Variants in TRABD2B observed in about 807,000 individuals in gnomAD.
TRABD2B encodes TraB domain containing 2B.
Under a neutral mutation model 40.1 loss-of-function variants are expected in TRABD2B, and 14 were observed. The observed-to-expected ratio is 0.35, with a 90% confidence interval of 0.23 to 0.55. TRABD2B has a LOEUF of 0.55. Ranked by LOEUF, TRABD2B falls within the 20% of genes least tolerant of loss-of-function variation. The pLI is 0.90. For synonymous variants in TRABD2B, 263 were observed against 277.0 expected (o/e 0.95, Z 0.50); for missense variants, 541 against 648.6 (o/e 0.83, Z 1.80).
chr1:47,796,556 C>T (rs994016703), intron 3 of TRABD2B, among the ~76,000 whole-genome samples: 1 of 152,236 alleles, frequency 6.6e-6, no homozygotes. Context: ...ATATTTGCCT[C>T]TGCTATCTGC....
Position 47,775,301 on chromosome 1 carries a change from G to C in TRABD2B, c.1218C>G (p.Ser406=). ...GGCTGTCGGGGAGCAGGAGGTGTGG[G>C]GACAGGGCTGGATCCTCATCCTCTG... is the stretch of plus-strand genomic sequence containing the variant. The part of the protein sequence containing the change: ...APPEDEDPAL[S]PHLLLPDSLS... Residue 406 remains serine, a synonymous_variant, in exon 6 of 7, where the codon TCC becomes TCG. Transcript: ENST00000606738. The C allele has an allele frequency of 2.4e-6, 3 of 1,252,880 alleles. No homozygotes were observed. The highest frequency in any genetic ancestry group is 3.0e-6 in the Non-Finnish European group (3 of 996,294). 77.6% of individuals were successfully genotyped at this position (1,252,880 alleles called of 1,614,324 possible). A position where few individuals can be genotyped will look rare whatever the true frequency, so the allele number is the denominator to read the frequency against.
rs540779065 is a variant in TRABD2B at position 47,895,449 on chromosome 1, G to T, written c.667-93830C>A. ...GGGTGCCCTGGGACTGCCCAGCCTG[G>T]ACCCCACTGCCCCCCTCCCACCACA... On this transcript the variant is annotated intron_variant, in intron 2 of 6. Transcript: ENST00000606738. Among the ~76,000 whole-genome samples the T allele has an allele frequency of 1.3e-4, 20 of 151,784 alleles. No homozygotes were observed. The East Asian group carries it at 3.7e-3, about 28-fold the overall frequency.
intron 2 of TRABD2B, among the ~76,000 whole-genome samples, chr1:47,840,508 A>G (rs1243712026): frequency 6.6e-6 from 1 of 152,222 alleles, no homozygotes; most frequent in Admixed American, 6.5e-5. Flanking sequence ...CCTGGTCCAC[A>G]GCATTCTTTA....
At chr1:47,920,909 G>A (rs1644893573) in intron 2 of TRABD2B, among the ~76,000 whole-genome samples, 1 of 152,222 alleles carries the variant, frequency 6.6e-6, no homozygotes. Flanking sequence ...AGGTCATACA[G>A]TCAGTGATGC....
At chr1:47,899,539 G>A (rs1360480769) in intron 2 of TRABD2B, among the ~76,000 whole-genome samples, 5 of 152,218 alleles carry the variant, frequency 3.3e-5, no homozygotes, top group Non-Finnish European at 7.3e-5. Flanking sequence ...ATCTGCCTAC[G>A]TGGCACTCTG....
rs542151543 is a variant in TRABD2B at position 47,931,239 on chromosome 1, A to G, written c.666+62795T>C. ...CCTTCTTTTTTAAAAAAGTGAGTTG[A>G]TTATTCTTGCTTCAGCTTTGGAGTC... On this transcript the variant is annotated intron_variant, in intron 2 of 6. Coordinates refer to ENST00000606738, the MANE Select transcript of TRABD2B (RefSeq NM_001194986.2). Among the ~76,000 whole-genome samples, 3 of 152,256 alleles carry G rather than the reference A, an allele frequency of 2.0e-5. No individual in the cohort carries two copies. In the East Asian group the frequency reaches 5.8e-4, roughly 29 times the overall value.
chr1:47,772,675 C>A (rs1266672910), intron 6 of TRABD2B, among the ~76,000 whole-genome samples: 3 of 152,096 alleles, frequency 2.0e-5, no homozygotes, highest in African/African-American at 7.2e-5. Flanking sequence ...TATCAGTGGG[C>A]CCCAGGTCAC....
chr1:47,826,622 G>A (rs1444735028), intron 2 of TRABD2B, among the ~76,000 whole-genome samples: 2 of 152,064 alleles, frequency 1.3e-5, no homozygotes, highest in African/African-American at 4.8e-5. Flanking sequence ...TACCCAGGCT[G>A]GAGTGCACTG....
chr1:47,785,891 T>C (rs1350194449), intron 4 of TRABD2B, among the ~76,000 whole-genome samples: 2 of 152,204 alleles, frequency 1.3e-5, no homozygotes, highest in Non-Finnish European at 2.9e-5. Flanking sequence ...TCAGTGCTAC[T>C]TGGAGCTGAA....
intron 2 of TRABD2B, among the ~76,000 whole-genome samples, chr1:47,859,412 C>CA (rs1172094299): frequency 3.3e-5 from 5 of 152,218 alleles, no homozygotes; most frequent in Non-Finnish European, 5.9e-5. Context: ...ATCAGCCCCA[C>CA]AGCCCTGTCC....
At position 47,763,942 on chromosome 1, in the gene TRABD2B, A is replaced by G. The variant is rs1285130416; in HGVS notation, c.*1960T>C. On this transcript the variant is annotated 3_prime_UTR_variant, in exon 7 of 7. Coordinates refer to ENST00000606738, the MANE Select transcript of TRABD2B (RefSeq NM_001194986.2). ...TGGATTGAGGTCAAGTTCAGTTTAG[A>G]GCATGGTGCCCACAGGGCTGGCTGG... is the stretch of plus-strand genomic sequence containing the variant. 2 of 152,276 alleles carry G rather than the reference A, an allele frequency of 1.3e-5. No homozygotes were observed. The highest frequency in any genetic ancestry group is 2.9e-5 in the Non-Finnish European group (2 of 68,076). 9.4% of individuals were successfully genotyped at this position (152,276 alleles called of 1,614,324 possible).
intron 4 of TRABD2B, among the ~76,000 whole-genome samples, chr1:47,792,418 G>A (rs1489665991): frequency 6.6e-6 from 1 of 152,242 alleles, no homozygotes; most frequent in Non-Finnish European, 1.5e-5. Context: ...GTGGGGAGGA[G>A]TCCAGAGGCA....
chr1:47,981,651 C>T (rs548321444), intron 2 of TRABD2B, among the ~76,000 whole-genome samples: 43 of 152,248 alleles, frequency 2.8e-4, no homozygotes, highest in African/African-American at 8.7e-4. Context: ...CTGAGCCTGG[C>T]ACAATGTAGT....
intron 6 of TRABD2B, among the ~76,000 whole-genome samples, chr1:47,774,866 C>T (rs939278144): frequency 3.3e-5 from 5 of 152,218 alleles, no homozygotes; most frequent in Admixed American, 6.5e-5. Flanking sequence ...GGACAAATGG[C>T]GCCCTGTTTG....
At chr1:47,824,737 A>G (rs1400806256) in intron 2 of TRABD2B, among the ~76,000 whole-genome samples, 1 of 152,166 alleles carries the variant, frequency 6.6e-6, no homozygotes, top group African/African-American at 2.4e-5. Flanking sequence ...TGGCCCTTTA[A>G]TAGTTCCTTT....
intron 2 of TRABD2B, among the ~76,000 whole-genome samples, chr1:47,839,226 A>G (rs1381958415): frequency 6.6e-6 from 1 of 152,010 alleles, no homozygotes; most frequent in African/African-American, 2.4e-5. Context: ...CAGAGAAGAG[A>G]CTACTGCATA....
intron 4 of TRABD2B, among the ~76,000 whole-genome samples, chr1:47,791,531 T>C (rs542826114): frequency 1.3e-5 from 2 of 152,258 alleles, no homozygotes; most frequent in East Asian, 1.9e-4. Flanking sequence ...ATTTGGGACC[T>C]GGCAGGCAAT....
chr1:47,931,944 G>A (rs1405328729), intron 2 of TRABD2B, among the ~76,000 whole-genome samples: 2 of 152,214 alleles, frequency 1.3e-5, no homozygotes, highest in African/African-American at 4.8e-5. Flanking sequence ...GTACCTCTCT[G>A]AGAATGTCTC....
Position 47,849,492 on chromosome 1 carries a change from A to T in TRABD2B, c.667-47873T>A, listed in dbSNP as rs564794597. 2.6e-5 allele frequency among the ~76,000 whole-genome samples: 4 copies of T among 152,224 alleles called. No individual in the cohort carries two copies. In the South Asian group the frequency reaches 6.2e-4, roughly 24 times the overall value. On this transcript the variant is annotated intron_variant, in intron 2 of 6. Coordinates refer to ENST00000606738, the MANE Select transcript of TRABD2B (RefSeq NM_001194986.2). ...TTCTTTGTTACGGCAGTCTCAGCAGATGAATACAGTGGCTCACCTAAGATT... is the reference window on the plus strand; with the variant it reads ...TTCTTTGTTACGGCAGTCTCAGCAGTTGAATACAGTGGCTCACCTAAGATT...
Sources: allele counts gnomAD v4.1 joint callset (sites outside exome capture counted in the v4.1 genomes callset), GRCh38; gene constraint gnomAD v4.1.1; transcripts MANE v1.5; gene names NCBI Gene and HGNC (gene_info 2026-07-23, HGNC 2026-07-21).